PAQR8: variants seen among roughly 807,000 people sequenced by gnomAD.
The protein encoded by PAQR8 is membrane progestin receptor beta.
A neutral mutation model predicts 25.2 loss-of-function variants in PAQR8; 17 were observed. That is an observed-to-expected ratio of 0.67 (90% CI 0.46 to 1.01). PAQR8 has a LOEUF of 1.01. Ranked by LOEUF, PAQR8 falls within the 50% of genes least tolerant of loss-of-function variation. PAQR8 has a pLI of 0.00. For missense variants in PAQR8, 392 were observed against 448.4 expected (o/e 0.87, Z 1.14); for synonymous variants, 204 against 190.6 (o/e 1.07, Z -0.58).
chr6:52,403,199 A>T lies in PAQR8; in HGVS notation c.-15A>T. On this transcript the variant is annotated 5_prime_UTR_variant, in exon 2 of 2. It removes an upstream start codon present in the reference 5' UTR. Coordinates refer to ENST00000442253, the MANE Select transcript of PAQR8 (RefSeq NM_133367.5). The stretch of plus-strand genomic sequence containing the variant: ...GTCCTGAGGGCGCGGCACGGAGTGC[A>T]TGCGGGCCGCTGCCATGACGACCGC... 1 of 1,586,196 alleles carries T rather than the reference A, an allele frequency of 6.3e-7. No homozygotes were observed.
At chr6:52,402,617 C>CAAAAAAAAAAAAAAAAAAAAA (rs5876274) in intron 1 of PAQR8, among the ~76,000 whole-genome samples, 1 of 115,890 alleles carries the variant, frequency 8.6e-6, no homozygotes, top group Admixed American at 9.0e-5. Flanking sequence ...AACTCTGTCT[C>CAAAAAAAAAAAAAAAAAAAAA]AAAAAAAAAA....
chr6:52,377,201 G>A (rs1041842611), intron 1 of PAQR8, among the ~76,000 whole-genome samples: 1 of 152,046 alleles, frequency 6.6e-6, no homozygotes, highest in Non-Finnish European at 1.5e-5. Context: ...ACACTTTCTC[G>A]ACCTGCATTC....
chr6:52,403,414 C>T lies in PAQR8; in HGVS notation c.201C>T (p.Phe67=), dbSNP rs751547645. ...GGCACGAGTGGCGCTACTACTTCTT[C>T]AGCCTCTTTCAGAAACACAACGAGG... is the stretch of plus-strand genomic sequence containing the variant. ...PTGHEWRYYF[F]SLFQKHNEVV... The change falls in exon 2 of 2, where the codon TTC becomes TTT. Residue 67 remains phenylalanine, a synonymous_variant. Coordinates refer to ENST00000442253, the MANE Select transcript of PAQR8 (RefSeq NM_133367.5). 1 of 1,614,282 alleles carries T rather than the reference C, an allele frequency of 6.2e-7. No individual in the cohort carries two copies. Among genetic ancestry groups the T allele is most frequent in the South Asian group, 1.1e-5 (1 of 91,090 alleles).
chr6:52,400,977 A>G (rs1763823292), intron 1 of PAQR8, among the ~76,000 whole-genome samples: 1 of 152,184 alleles, frequency 6.6e-6, no homozygotes, highest in African/African-American at 2.4e-5. Context: ...AGTGCTAAGC[A>G]CTTCATTTTT....
chr6:52,382,568 G>C (rs987407286), intron 1 of PAQR8, among the ~76,000 whole-genome samples: 3 of 152,012 alleles, frequency 2.0e-5, no homozygotes, highest in Non-Finnish European at 2.9e-5. Context: ...TAGATTAAAT[G>C]AAAGAAGAAT....
chr6:52,398,204 C>CTTTTTT (rs869285681), intron 1 of PAQR8, among the ~76,000 whole-genome samples: 5 of 85,804 alleles, frequency 5.8e-5, no homozygotes, highest in Non-Finnish European at 1.0e-4. Flanking sequence ...TTTCTTTTTT[C>CTTTTTT]TTTTTTTTTT....
intron 1 of PAQR8, among the ~76,000 whole-genome samples, chr6:52,377,231 C>A (rs545465972): frequency 6.6e-6 from 1 of 152,192 alleles, no homozygotes; most frequent in African/African-American, 2.4e-5. Flanking sequence ...CTTGTAATTG[C>A]ATTCATTTTT....
intron 1 of PAQR8, among the ~76,000 whole-genome samples, chr6:52,394,865 T>G (rs1562433070): frequency 6.6e-6 from 1 of 152,158 alleles, no homozygotes; most frequent in Non-Finnish European, 1.5e-5. Context: ...AAATGCACAA[T>G]TTTTGGCTAA....
At position 52,362,437 on chromosome 6, in the gene PAQR8, GT is replaced by G. The variant is rs1763300599; in HGVS notation, c.-53+191del. On this transcript the variant is annotated intron_variant, in intron 1 of 1. Coordinates refer to ENST00000442253, the MANE Select transcript of PAQR8 (RefSeq NM_133367.5). This position sits in a 1 kb window ranked among gnomAD's most constrained non-coding sequence, Gnocchi z 4.1. Reference sequence around the variant, plus strand: ...TGGGAACCTGAGGCCAGGGGCCGGAGTTTAGGGCCCCGATGTTGAGTCTCCG... The same window carrying G: ...TGGGAACCTGAGGCCAGGGGCCGGAGTTAGGGCCCCGATGTTGAGTCTCCG... 1 of 152,614 alleles carries G rather than the reference GT, an allele frequency of 6.6e-6. No homozygotes were observed. 9.5% of individuals were successfully genotyped at this position (152,614 alleles called of 1,614,324 possible).
chr6:52,370,239 A>T (rs1763401774), intron 1 of PAQR8, among the ~76,000 whole-genome samples: 1 of 152,166 alleles, frequency 6.6e-6, no homozygotes, highest in Admixed American at 6.5e-5. Context: ...GGTCTCAAGA[A>T]TCAGTCTAAC....
chr6:52,403,598 GCCCACCTGCTGCAGT>G lies in PAQR8; in HGVS notation c.388_402del (p.His130_Ser134del). 1 of 1,614,050 alleles carries G rather than the reference GCCCACCTGCTGCAGT, an allele frequency of 6.2e-7. No homozygotes were observed. Among genetic ancestry groups the G allele is most frequent in the Non-Finnish European group, 8.5e-7 (1 of 1,180,030 alleles). On this transcript the variant is annotated inframe_deletion, in exon 2 of 2. Coordinates refer to ENST00000442253, the MANE Select transcript of PAQR8 (RefSeq NM_133367.5). ...CACTTACCTCACCTGCAGCCTTCTG[GCCCACCTGCTGCAGT>G]CCAAGTCAGAGCTCTCCCACTACAC...
At chr6:52,384,916 G>C (rs1235225104) in intron 1 of PAQR8, among the ~76,000 whole-genome samples, 1 of 152,164 alleles carries the variant, frequency 6.6e-6, no homozygotes, top group Non-Finnish European at 1.5e-5. Flanking sequence ...AATGGGGAAA[G>C]GATATCCTAT....
At chr6:52,398,506 C>T (rs1763794411) in intron 1 of PAQR8, among the ~76,000 whole-genome samples, 1 of 151,536 alleles carries the variant, frequency 6.6e-6, no homozygotes, top group South Asian at 2.1e-4. Flanking sequence ...CCATGCGTGA[C>T]CTTAGAATTT....
At chr6:52,399,984 T>C (rs552442059) in intron 1 of PAQR8, among the ~76,000 whole-genome samples, 4 of 152,364 alleles carry the variant, frequency 2.6e-5, no homozygotes, top group Admixed American at 1.3e-4. Flanking sequence ...TGCTGGCTGA[T>C]AGCAGAAGCA....
chr6:52,387,045 T>G (rs896711884), intron 1 of PAQR8, among the ~76,000 whole-genome samples: 9 of 152,164 alleles, frequency 5.9e-5, no homozygotes, highest in African/African-American at 2.2e-4. Context: ...GGAGTCTCAC[T>G]CTGTCACCCA....
At chr6:52,391,270 C>T (rs925114124) in intron 1 of PAQR8, among the ~76,000 whole-genome samples, 4 of 152,216 alleles carry the variant, frequency 2.6e-5, no homozygotes, top group African/African-American at 7.2e-5. Context: ...CAGTGAAAAA[C>T]CAATGGAGCT....
In PAQR8 at chr6:52,403,505, G is replaced by C; in HGVS notation, c.292G>C (p.Glu98Gln). ...CCTCTTGCGATTCTGGGCCTTTGCC[G>C]AGGCTGAGGCCTTGCCATGGGCGTC... ...AVLLRFWAFA[E>Q]AEALPWASTH... The change falls in exon 2 of 2, where the codon GAG becomes CAG. Residue 98 changes from glutamate to glutamine, a missense_variant. Physicochemically the swap from Glu to Gln is conservative, Grantham distance 29. Transcript: ENST00000442253. The C allele has an allele frequency of 6.2e-7, 1 of 1,614,000 alleles. No homozygotes were observed. The highest frequency in any genetic ancestry group is 8.5e-7 in the Non-Finnish European group (1 of 1,180,024).
At position 52,393,333 on chromosome 6, in the gene PAQR8, C is replaced by CTCT. The variant is rs774890184; in HGVS notation, c.-52-9828_-52-9827insCTT. The stretch of plus-strand genomic sequence containing the variant: ...ACTATTATTCTGACACTTTCTCTCT[C>CTCT]TTTTTTTTTTTTTTTTTTTTGAGAC... On this transcript the variant is annotated intron_variant, in intron 1 of 1. Coordinates refer to ENST00000442253, the MANE Select transcript of PAQR8 (RefSeq NM_133367.5). 2.9e-3 allele frequency among the ~76,000 whole-genome samples: 326 copies of CTCT among 111,190 alleles called. 3 individuals are homozygous for CTCT. Among genetic ancestry groups the CTCT allele is most frequent in the African/African-American group, 0.01 (297 of 28,738 alleles). The allele number at this position is 111,190 out of a possible 152,430, so 72.9% of individuals were successfully genotyped here.
At position 52,367,040 on chromosome 6, in the gene PAQR8, A is replaced by C. The variant is rs1156830806; in HGVS notation, c.-53+4791A>C. ...ATTACAGGCGTAAACCACTGTGCCC[A>C]GCCTGGAGCTGTGATTCTTAATGGG... On this transcript the variant is annotated intron_variant, in intron 1 of 1. Coordinates refer to ENST00000442253, the MANE Select transcript of PAQR8 (RefSeq NM_133367.5). Among the ~76,000 whole-genome samples, 3 of 152,188 alleles carry C rather than the reference A, an allele frequency of 2.0e-5. No homozygotes were observed. In the East Asian group the frequency reaches 5.8e-4, roughly 29 times the overall value.
Sources: allele counts gnomAD v4.1 joint callset (sites outside exome capture counted in the v4.1 genomes callset), GRCh38; gene constraint gnomAD v4.1.1; non-coding constraint Gnocchi (gnomAD v3.1); transcripts MANE v1.5; gene names NCBI Gene and HGNC (gene_info 2026-07-23, HGNC 2026-07-21).